Variants in APOLD1 observed in about 807,000 individuals in gnomAD.
APOLD1 encodes the protein apolipoprotein L domain containing 1.
Under a neutral mutation model 15.3 loss-of-function variants are expected in APOLD1, and 22 were observed. That is an observed-to-expected ratio of 1.44 (90% confidence interval 1.03 to 2.05). The LOEUF is 2.05. Ranked by LOEUF, APOLD1 falls within the 30% of genes most tolerant of loss-of-function variation. APOLD1 has a pLI of 0.00. For missense variants in APOLD1, 394 were observed against 353.5 expected, an observed-to-expected ratio of 1.11 and a Z score of -0.92; for synonymous variants, 190 against 167.4, an observed-to-expected ratio of 1.13 and a Z score of -1.04.
intron 1 of APOLD1, among the ~76,000 whole-genome samples, chr12:12,730,203 C>G (rs905677245): frequency 2.0e-5 from 3 of 152,004 alleles, no homozygotes; most frequent in Non-Finnish European, 4.4e-5. Flanking sequence ...CATGAGCCAT[C>G]ATGCCTGGCT....
chr12:12,773,717 A>G (rs1231855914), intron 1 of APOLD1, among the ~76,000 whole-genome samples: 1 of 152,228 alleles, frequency 6.6e-6, no homozygotes, highest in Non-Finnish European at 1.5e-5. Context: ...AATAATCAAG[A>G]CAGTGTGGTA....
rs567061440 is a variant in APOLD1, at chr12:12,760,317, C to A, written c.97-26592C>A. Among the ~76,000 whole-genome samples the A allele has an allele frequency of 1.3e-4, 19 of 145,050 alleles. No individual in the cohort carries two copies. The South Asian group carries it at 4.0e-3, about 30-fold the overall frequency. On this transcript the variant is annotated intron_variant, in intron 1 of 1. Coordinates refer to the APOLD1 transcript ENST00000326765. The stretch of plus-strand genomic sequence containing the variant: ...CTCCAGCCTGGGTGACACAGTGAGA[C>A]CCGGTCTCACAACAAACAAACAAAC...
chr12:12,732,500 G>T (rs560751626), intron 1 of APOLD1, among the ~76,000 whole-genome samples: 1 of 152,074 alleles, frequency 6.6e-6, no homozygotes, highest in Non-Finnish European at 1.5e-5. Flanking sequence ...TGAGGCGAGA[G>T]GATCACTTGA....
At chr12:12,746,138 G>A (rs924934481) in intron 1 of APOLD1, among the ~76,000 whole-genome samples, 2 of 152,138 alleles carry the variant, frequency 1.3e-5, no homozygotes, top group Non-Finnish European at 2.9e-5. Flanking sequence ...ACAAAAGGAA[G>A]GGTGGTGGGA....
At chr12:12,774,757 A>T (rs969714275) in intron 1 of APOLD1, among the ~76,000 whole-genome samples, 4 of 152,106 alleles carry the variant, frequency 2.6e-5, no homozygotes, top group Non-Finnish European at 5.9e-5. Context: ...AGGTACCATT[A>T]CATATTGATT....
Position 12,789,288 on chromosome 12 carries a change from T to A in APOLD1, c.*1636T>A, listed in dbSNP as rs567304793. The A allele has an allele frequency of 4.1e-4, 63 of 152,380 alleles. 1 individual carries two copies. Among genetic ancestry groups the A allele is most frequent in the African/African-American group, 1.5e-3 (61 of 41,594 alleles). 9.4% of individuals were successfully genotyped at this position (152,380 alleles called of 1,614,324 possible). On this transcript the variant is annotated 3_prime_UTR_variant, in exon 2 of 2. Coordinates refer to ENST00000356591, the MANE Select transcript of APOLD1 (RefSeq NM_030817.3). Reference sequence around the variant, plus strand: ...CTGGAAATAGCATTGCTTTCCTTGATTGTCTCTCTCCTTCAGGGAGATTCT... The same window carrying A: ...CTGGAAATAGCATTGCTTTCCTTGAATGTCTCTCTCCTTCAGGGAGATTCT...
upstream of APOLD1, among the ~76,000 whole-genome samples, chr12:12,785,310 A>G (rs962024597): frequency 6.6e-5 from 10 of 152,092 alleles, no homozygotes; most frequent in African/African-American, 2.2e-4. Flanking sequence ...AAGAAACACT[A>G]TAATTGGTCA....
In APOLD1 at chr12:12,785,771, G is replaced by C. The variant is rs370805386; in HGVS notation, c.3+77G>C. The C allele has an allele frequency of 5.6e-6, 8 of 1,436,214 alleles. No homozygotes were observed. The African/African-American group carries it at 1.1e-4, about 20-fold the overall frequency. The allele number at this position is 1,436,214 out of a possible 1,614,324, so 89.0% of individuals were successfully genotyped here. A position where few individuals can be genotyped will look rare whatever the true frequency, so the allele number is the denominator to read the frequency against. ...TCTTTTCACCTGGAAAATTATCCCTGGTGGGTTGGATTATGGAAGCATGGA... is the reference window on the plus strand; with the variant it reads ...TCTTTTCACCTGGAAAATTATCCCTCGTGGGTTGGATTATGGAAGCATGGA... On this transcript the variant is annotated intron_variant, in intron 1 of 1. Transcript: ENST00000356591.
At chr12:12,765,491 A>G (rs1361668340) in intron 1 of APOLD1, among the ~76,000 whole-genome samples, 1 of 152,254 alleles carries the variant, frequency 6.6e-6, no homozygotes, top group Non-Finnish European at 1.5e-5. Flanking sequence ...GAAAACCCCT[A>G]AATGGTTATT....
intron 1 of APOLD1, among the ~76,000 whole-genome samples, chr12:12,766,901 A>G (rs1307258247): frequency 2.0e-5 from 3 of 152,222 alleles, no homozygotes; most frequent in African/African-American, 7.2e-5. Flanking sequence ...ACAGAAAAAA[A>G]GAATTAGCTG....
At chr12:12,746,408 A>G (rs747380571) in intron 1 of APOLD1, among the ~76,000 whole-genome samples, 17 of 152,200 alleles carry the variant, frequency 1.1e-4, no homozygotes, top group Non-Finnish European at 2.5e-4. Context: ...AGGCAGGAGA[A>G]TCGCTTGAAC....
intron 1 of APOLD1, among the ~76,000 whole-genome samples, chr12:12,735,902 C>T (rs1946681469): frequency 6.6e-6 from 1 of 152,038 alleles, no homozygotes; most frequent in African/African-American, 2.4e-5. Context: ...AGCTATAATC[C>T]ACCACTGCCA....
rs1947136268 is a variant in APOLD1, at chr12:12,787,141, T to C, written c.236T>C (p.Val79Ala). ...ATCGTGGGGCTCTCGCTCAGCCCGGTCACCCTGGGGACCTCGCTGCTGGTG... is the reference window on the plus strand; with the variant it reads ...ATCGTGGGGCTCTCGCTCAGCCCGGCCACCCTGGGGACCTCGCTGCTGGTG... ...AAIVGLSLSP[V>A]TLGTSLLVSA... The change falls in exon 2 of 2, where the codon GTC becomes GCC. Residue 79 changes from valine (V) to alanine (A), a missense_variant. Transcript: ENST00000356591. The surrounding 1 kb of genome is among the most constrained non-coding windows in gnomAD (Gnocchi z 4.9). 6.7e-7 allele frequency: 1 copy of C among 1,492,634 alleles called. No homozygotes were observed. Among genetic ancestry groups the C allele is most frequent in the African/African-American group, 1.4e-5 (1 of 70,852 alleles). The allele number at this position is 1,492,634 out of a possible 1,614,324, so 92.5% of individuals were successfully genotyped here. A position where few individuals can be genotyped will look rare whatever the true frequency, so the allele number is the denominator to read the frequency against.
intron 1 of APOLD1, among the ~76,000 whole-genome samples, chr12:12,734,292 G>A (rs765952649): frequency 1.3e-5 from 2 of 152,164 alleles, no homozygotes; most frequent in East Asian, 1.9e-4. Flanking sequence ...CAGGGAATCC[G>A]CCTGGGAATT....
chr12:12,764,649 G>T (rs373130703), intron 1 of APOLD1: 4 of 462,640 alleles, frequency 8.6e-6, no homozygotes, highest in Non-Finnish European at 1.8e-5. Context: ...TTGATTTCTC[G>T]GTGAGTGCGT....
chr12:12,786,133 AC>A (rs1295563307), intron 1 of APOLD1, among the ~76,000 whole-genome samples: 1 of 152,168 alleles, frequency 6.6e-6, no homozygotes, highest in African/African-American at 2.4e-5. Context: ...AATTTTGGCC[AC>A]TTTATTTTAT....
Position 12,787,216 on chromosome 12 carries a change from C to A in APOLD1, c.311C>A (p.Thr104Lys), listed in dbSNP as rs1276229418. The A allele has an allele frequency of 1.9e-6, 3 of 1,561,204 alleles. No individual in the cohort carries two copies. The South Asian group carries it at 3.6e-5, about 19-fold the overall frequency. Residue 104 changes from threonine (T) to lysine (K), a missense_variant, in exon 2 of 2, where the codon ACG becomes AAG. Transcript: ENST00000356591. The surrounding 1 kb of genome is among the most constrained non-coding windows in gnomAD (Gnocchi z 4.9). Reference protein sequence around the residue: ...VATAGGAVTITSDLSLIFCNS... With the variant: ...VATAGGAVTIKSDLSLIFCNS... ...ACAGCCGGAGGGGCCGTCACCATCA[C>A]GTCCGATCTCTCGCTGATCTTCTGC... is the stretch of plus-strand genomic sequence containing the variant.
At chr12:12,774,326 C>A (rs532981932) in intron 1 of APOLD1, among the ~76,000 whole-genome samples, 2 of 151,998 alleles carry the variant, frequency 1.3e-5, no homozygotes, top group South Asian at 4.2e-4. Flanking sequence ...GGGTGAATCA[C>A]TTTGGGTCAG....
At chr12:12,728,532 G>A (rs1946611585) in intron 1 of APOLD1, among the ~76,000 whole-genome samples, 1 of 151,830 alleles carries the variant, frequency 6.6e-6, no homozygotes, top group African/African-American at 2.4e-5. Flanking sequence ...AACCAGGTGT[G>A]GTGGTGCTGC....
Sources: gnomAD v4.1 joint callset for allele counts (sites outside exome capture counted in the v4.1 genomes callset) on GRCh38, gnomAD v4.1.1 for gene constraint, Gnocchi (gnomAD v3.1) non-coding constraint, MANE v1.5 for transcripts, NCBI Gene and HGNC (gene_info 2026-07-23, HGNC 2026-07-21) for gene names.